The following MACF1 variants were observed in gnomAD, a reference collection of about 807,000 sequenced individuals.
The protein encoded by MACF1 is microtubule-actin cross-linking factor 1.
A neutral mutation model predicts 854.8 loss-of-function variants in MACF1; 193 were observed. The ratio of observed to expected loss-of-function variants is 0.23; its 90% CI spans 0.20 to 0.25. The LOEUF is 0.25. MACF1 is among the 10% of genes least tolerant of loss of function. The pLI is 1.00. For synonymous variants in MACF1, 3,185 were observed against 3,226.7 expected (o/e 0.99, Z 0.44); for missense variants, 7,722 against 8,929.1 (o/e 0.86, Z 5.45).
chr1:39,160,020 A>G (rs1460247212), intron 2 of MACF1, among the ~76,000 whole-genome samples: 1 of 152,112 alleles, frequency 6.6e-6, no homozygotes, highest in Non-Finnish European at 1.5e-5. Context: ...TGTATGCTAT[A>G]AAGGGATATA....
At chr1:39,325,841 G>A (rs753595462) in intron 35 of MACF1, among the ~76,000 whole-genome samples, 8 of 152,200 alleles carry the variant, frequency 5.3e-5, no homozygotes, top group Non-Finnish European at 1.0e-4. Context: ...GGATGGTGCC[G>A]AGGAGAAAGG....
At position 39,378,473 on chromosome 1, in the gene MACF1, C is replaced by T. The variant is rs1430896520; in HGVS notation, c.13226C>T (p.Pro4409Leu). ...DSQGKTGSIL[P>L]SVGSSVGSVN... The stretch of plus-strand genomic sequence containing the variant: ...TCCTTCTGCTCAGGTTCCATACTGC[C>T]CTCTGTAGGAAGCTCTGTAGGCAGT... The change falls in exon 53 of 101, where the codon CCC becomes CTC. Residue 4409 changes from proline (P) to leucine (L), a missense_variant. Transcript: ENST00000564288. The T allele has an allele frequency of 6.2e-7, 1 of 1,613,970 alleles. No homozygotes were observed. Among genetic ancestry groups the T allele is most frequent in the Admixed American group, 1.7e-5 (1 of 60,022 alleles).
Position 39,448,171 on chromosome 1 carries a change from C to G in MACF1, c.20088+19C>G, listed in dbSNP as rs777574128. 6.2e-7 allele frequency: 1 copy of G among 1,607,342 alleles called. No individual in the cohort carries two copies. The highest frequency in any genetic ancestry group is 8.5e-7 in the Non-Finnish European group (1 of 1,177,226). On this transcript the variant is annotated intron_variant, in intron 83 of 100. Transcript: ENST00000564288. ...GCATAAGGTAAAGCAGTTAATTGCT[C>G]TTAGGTCCCAAGCCATAGTATTCGC... is the stretch of plus-strand genomic sequence containing the variant.
chr1:39,178,723 A>G lies in MACF1; in HGVS notation c.221-52459A>G, dbSNP rs368210562. Among the ~76,000 whole-genome samples, 14 of 152,208 alleles carry G rather than the reference A, an allele frequency of 9.2e-5. No homozygotes were observed. In the East Asian group the frequency reaches 2.3e-3, roughly 25 times the overall value. ...TAAAGTCCTGACCCTCAGGAGTGAA[A>G]TTCTGGTCTGGTGTCTCACTCCTGG... On this transcript the variant is annotated intron_variant, in intron 2 of 93. Transcript: ENST00000361689.
At chr1:39,168,912 G>A (rs1276375342) in intron 2 of MACF1, among the ~76,000 whole-genome samples, 1 of 152,160 alleles carries the variant, frequency 6.6e-6, no homozygotes. Flanking sequence ...ACAGGTGTGA[G>A]CCACTGTGCC....
At chr1:39,243,921 C>T (rs909016334) in intron 2 of MACF1, among the ~76,000 whole-genome samples, 1 of 151,930 alleles carries the variant, frequency 6.6e-6, no homozygotes, top group Non-Finnish European at 1.5e-5. Flanking sequence ...CAGAAGCACC[C>T]AGTAAATGTT....
intron 2 of MACF1, among the ~76,000 whole-genome samples, chr1:39,115,559 C>T (rs567451398): frequency 6.6e-5 from 10 of 152,016 alleles, no homozygotes; most frequent in Admixed American, 3.9e-4. Flanking sequence ...GGTTACATTG[C>T]GGTCGAGGCT....
Position 39,369,979 on chromosome 1 carries a change from T to C in MACF1, c.12939-51T>C, listed in dbSNP as rs374097430. On this transcript the variant is annotated intron_variant, in intron 50 of 100. Coordinates refer to ENST00000564288, the MANE Select transcript of MACF1 (RefSeq NM_001394062.1). ...CAGAATGAACTACTCTTAGCTCAAG[T>C]TGACTTTATAAAACTTAGTCTGGCA... 3.7e-5 allele frequency: 58 copies of C among 1,552,058 alleles called. No homozygotes were observed. In the African/African-American group the frequency reaches 6.6e-4, roughly 18 times the overall value.
chr1:39,434,747 TAATC>T (rs1027889551), intron 69 of MACF1, 115 bp downstream of exon 69: 21 of 829,122 alleles, frequency 2.5e-5, no homozygotes, highest in South Asian at 3.8e-5. Flanking sequence ...AGTTAATTCT[TAATC>T]AGTTAGAATT....
intron 6 of MACF1, chr1:39,268,644 G>A (rs1265270686): frequency 8.3e-7 from 1 of 1,211,332 alleles, no homozygotes; most frequent in Non-Finnish European, 1.0e-6. Context: ...GGATTTCTGT[G>A]GGATCCCAGG....
chr1:39,149,470 G>A (rs543429358), intron 2 of MACF1, among the ~76,000 whole-genome samples: 1 of 152,216 alleles, frequency 6.6e-6, no homozygotes, highest in Admixed American at 6.5e-5. Flanking sequence ...GGAGGTCGCT[G>A]TGAGCCGAGA....
chr1:39,368,347 G>C (rs770626976), intron 50 of MACF1, 33 bp downstream of exon 50: 5 of 1,585,986 alleles, frequency 3.2e-6, no homozygotes, highest in Non-Finnish European at 4.3e-6. Context: ...CAGCATTGGG[G>C]AACTATTTTT....
At position 39,331,409 on chromosome 1, in the gene MACF1, G is replaced by A. The variant is rs368008633; in HGVS notation, c.4821G>A (p.Gln1607=). ...EGIARNLINP[Q]MYQQLRELQD... ...TAGCCAGAAACCTCATTAATCCCCA[G>A]ATGTACCAGCAGCTCCGGGAGCTAC... Residue 1607 remains glutamine (Q), a synonymous_variant, in exon 37 of 101, where the codon CAG becomes CAA. Coordinates refer to ENST00000564288, the MANE Select transcript of MACF1 (RefSeq NM_001394062.1). 19 of 1,613,950 alleles carry A rather than the reference G, an allele frequency of 1.2e-5. No homozygotes were observed. In the African/African-American group the frequency reaches 1.7e-4, roughly 15 times the overall value.
intron 2 of MACF1, among the ~76,000 whole-genome samples, chr1:39,124,482 CATATT>C (rs1279363772): frequency 6.6e-6 from 1 of 152,112 alleles, no homozygotes; most frequent in Non-Finnish European, 1.5e-5. Context: ...ATGTCTGTAT[CATATT>C]AAGCACTGAG....
intron 54 of MACF1, 76 bp downstream of exon 54, chr1:39,379,520 G>A (rs944015947): frequency 1.3e-6 from 2 of 1,501,308 alleles, no homozygotes; most frequent in African/African-American, 2.8e-5. Flanking sequence ...CCCAAGCCCA[G>A]GTATCTGAGA....
intron 2 of MACF1, among the ~76,000 whole-genome samples, chr1:39,181,822 A>G (rs376870831): frequency 3.3e-5 from 5 of 152,308 alleles, no homozygotes; most frequent in East Asian, 3.9e-4. Flanking sequence ...TGTCTTTTCA[A>G]CAAATTATAC....
At chr1:39,198,853 T>C (rs1448623906) in intron 2 of MACF1, among the ~76,000 whole-genome samples, 2 of 152,044 alleles carry the variant, frequency 1.3e-5, no homozygotes, top group Non-Finnish European at 2.9e-5. Context: ...GAAACAGCAC[T>C]AGCAATTAAT....
intron 23 of MACF1, among the ~76,000 whole-genome samples, chr1:39,309,017 A>T (rs1282940332): frequency 6.6e-6 from 1 of 152,136 alleles, no homozygotes; most frequent in African/African-American, 2.4e-5. Flanking sequence ...CATTTTTGTA[A>T]ATATTTGGAA....
rs776903766 is a variant in MACF1, at chr1:39,447,904, T to C, written c.19968+6T>C. 14 of 1,613,726 alleles carry C rather than the reference T, an allele frequency of 8.7e-6. No individual in the cohort carries two copies. The East Asian group carries it at 1.1e-4, about 13-fold the overall frequency. ...CCAGGAAGCGGGCAAAACAAGTAAGTTGGGGAAGAAAGATACTAATTCACT... is the reference window on the plus strand; with the variant it reads ...CCAGGAAGCGGGCAAAACAAGTAAGCTGGGGAAGAAAGATACTAATTCACT... On this transcript the variant is annotated splice_donor_region_variant and intron_variant, in intron 82 of 100. Transcript: ENST00000564288.
Sources: allele counts gnomAD v4.1 joint callset (sites outside exome capture counted in the v4.1 genomes callset), GRCh38; gene constraint gnomAD v4.1.1; transcripts MANE v1.5; gene names NCBI Gene and HGNC (gene_info 2026-07-23, HGNC 2026-07-21).